TMEM87B: variants seen among roughly 807,000 people sequenced by gnomAD.
The protein encoded by TMEM87B is transmembrane protein 87B.
In TMEM87B, 83 loss-of-function variants were observed where a neutral mutation model predicts 80.3. That is an observed-to-expected ratio of 1.03 (90% confidence interval 0.87 to 1.24). TMEM87B has a LOEUF of 1.24. TMEM87B is among the 50% of genes most tolerant of loss of function. The pLI, the probability that TMEM87B is intolerant of heterozygous loss-of-function variation, is 0.00. For synonymous variants in TMEM87B, 219 were observed against 230.5 expected (o/e 0.95, Z 0.45); for missense variants, 625 against 674.4 (o/e 0.93, Z 0.81).
chr2:112,096,906 A>C (rs570319588), intron 11 of TMEM87B, 138 bp from the exon 12 acceptor site: 157 of 631,162 alleles, frequency 2.5e-4, no homozygotes, highest in African/African-American at 2.5e-3. Context: ...CCAAGATAAC[A>C]TTTTCTGTGT....
chr2:112,099,572 A>AT (rs1400645143), intron 14 of TMEM87B, among the ~76,000 whole-genome samples: 11 of 147,966 alleles, frequency 7.4e-5, no homozygotes, highest in African/African-American at 2.7e-4. Context: ...ACACACGCAT[A>AT]TACATACACA....
intron 11 of TMEM87B, chr2:112,095,280 A>G (rs1307490659): frequency 1.0e-6 from 1 of 959,736 alleles, no homozygotes; most frequent in East Asian, 1.3e-4. Flanking sequence ...TCTCTCCTTG[A>G]CTCTGGCTTG....
chr2:112,088,950 C>T (rs765951076), intron 9 of TMEM87B, among the ~76,000 whole-genome samples: 5 of 152,008 alleles, frequency 3.3e-5, no homozygotes, highest in African/African-American at 1.2e-4. Flanking sequence ...TGGTAGAGAC[C>T]GGGTTTCACC....
At chr2:112,095,337 A>C (rs2104492210) in intron 11 of TMEM87B, 1 of 983,708 alleles carries the variant, frequency 1.0e-6, no homozygotes, top group Middle Eastern at 5.2e-4. Context: ...CTCTCACTTC[A>C]GGATCAGAAG....
Position 112,081,333 on chromosome 2 carries a change from A to G in TMEM87B, c.655-2A>G, listed in dbSNP as rs1035446014. On this transcript the variant is annotated splice_acceptor_variant, in intron 7 of 18. Coordinates refer to ENST00000283206, the MANE Select transcript of TMEM87B (RefSeq NM_032824.3). LOFTEE classifies it high-confidence loss of function. ...TGACTAAAATTGCTTCTCTTCCTAC[A>G]GTTTTACATGGTGATGTGTATTGTT... 13 of 1,586,076 alleles carry G rather than the reference A, an allele frequency of 8.2e-6. No homozygotes were observed. The highest frequency in any genetic ancestry group is 1.7e-4 in the Middle Eastern group (1 of 5,918).
At chr2:112,081,620 C>T (rs1679001882) in intron 8 of TMEM87B, 102 bp downstream of exon 8, 3 of 1,050,912 alleles carry the variant, frequency 2.9e-6, no homozygotes, top group Non-Finnish European at 2.7e-6. Context: ...GGTTTGGAAA[C>T]AGATATATTA....
chr2:112,079,198 G>A (rs1678914039), intron 6 of TMEM87B, among the ~76,000 whole-genome samples: 1 of 151,976 alleles, frequency 6.6e-6, no homozygotes, highest in Admixed American at 6.6e-5. Context: ...CTGTGCAATA[G>A]AACTCAAAAA....
At chr2:112,101,992 GA>G (rs1317276272) in intron 15 of TMEM87B, among the ~76,000 whole-genome samples, 2 of 152,088 alleles carry the variant, frequency 1.3e-5, no homozygotes, top group Admixed American at 6.5e-5. Flanking sequence ...TGATCTATTA[GA>G]AATTTAAAAA....
intron 11 of TMEM87B, among the ~76,000 whole-genome samples, chr2:112,092,952 G>A (rs958462762): frequency 6.6e-6 from 1 of 152,208 alleles, no homozygotes; most frequent in African/African-American, 2.4e-5. Context: ...TTTCCTGTTA[G>A]ATAGGTTTCA....
intron 4 of TMEM87B, among the ~76,000 whole-genome samples, chr2:112,069,791 A>G (rs1310112672): frequency 6.6e-6 from 1 of 152,200 alleles, no homozygotes; most frequent in African/African-American, 2.4e-5. Flanking sequence ...TCCCACCAGC[A>G]GTGTATAAGC....
At chr2:112,089,324 A>T (rs996970400) in intron 9 of TMEM87B, among the ~76,000 whole-genome samples, 1 of 152,234 alleles carries the variant, frequency 6.6e-6, no homozygotes, top group African/African-American at 2.4e-5. Context: ...CTTCCATTCT[A>T]TAGAAACAGT....
chr2:112,105,218 C>T lies in TMEM87B; in HGVS notation c.1451-784C>T, dbSNP rs147260146. ...AGAAATGTTGGGGTTTTGAATGTCC[C>T]AGGAAAACATTTTTGGATTGAGGAA... On this transcript the variant is annotated intron_variant, in intron 15 of 18. Transcript: ENST00000283206. Among the ~76,000 whole-genome samples, 15 of 152,156 alleles carry T rather than the reference C, an allele frequency of 9.9e-5. No individual in the cohort carries two copies. In the East Asian group the frequency reaches 2.9e-3, roughly 29 times the overall value.
At chr2:112,082,464 G>T (rs1398654346) in intron 8 of TMEM87B, among the ~76,000 whole-genome samples, 1 of 152,110 alleles carries the variant, frequency 6.6e-6, no homozygotes, top group African/African-American at 2.4e-5. Context: ...AAACAAATTT[G>T]GCGTAACGTT....
At chr2:112,060,444 TAAAC>T (rs1260000361) in intron 2 of TMEM87B, among the ~76,000 whole-genome samples, 3 of 152,172 alleles carry the variant, frequency 2.0e-5, no homozygotes, top group African/African-American at 7.2e-5. Flanking sequence ...ACATATATAA[TAAAC>T]TAAGCAAATG....
At chr2:112,115,405 ACT>A (rs1351665300) in intron 18 of TMEM87B, among the ~76,000 whole-genome samples, 1 of 130,032 alleles carries the variant, frequency 7.7e-6, no homozygotes, top group African/African-American at 3.2e-5. Flanking sequence ...AAGATTCATA[ACT>A]CTACAGAAAG....
rs118051378 is a variant in TMEM87B, at chr2:112,084,595, A to G, written c.839-1410A>G. Among the ~76,000 whole-genome samples, 232 of 152,346 alleles carry G rather than the reference A, an allele frequency of 1.5e-3. 6 individuals are homozygous for G. In the East Asian group the frequency reaches 0.036, roughly 24 times the overall value. ...TTGCTCTGCCTGTAGTTCTAGATCT[A>G]TCTTCGAGGCATTTGACAAGGTCTC... On this transcript the variant is annotated intron_variant, in intron 8 of 18. Transcript: ENST00000283206.
At chr2:112,061,337 G>A (rs1421006112) in intron 2 of TMEM87B, among the ~76,000 whole-genome samples, 1 of 152,174 alleles carries the variant, frequency 6.6e-6, no homozygotes, top group African/African-American at 2.4e-5. Context: ...AGAGCAAACT[G>A]GCTTCTACAG....
At chr2:112,075,049 G>A in intron 5 of TMEM87B, 87 bp downstream of exon 5, 1 of 1,478,586 alleles carries the variant, frequency 6.8e-7, no homozygotes, top group South Asian at 1.3e-5. Context: ...TACTTAGAGA[G>A]TGATATAAAG....
intron 11 of TMEM87B, among the ~76,000 whole-genome samples, chr2:112,095,759 A>G (rs1679450309): frequency 1.3e-5 from 2 of 152,208 alleles, no homozygotes; most frequent in African/African-American, 4.8e-5. Flanking sequence ...TGACATATTT[A>G]AAATTTTTAA....
Sources: gnomAD v4.1 joint callset for allele counts (sites outside exome capture counted in the v4.1 genomes callset) on GRCh38, gnomAD v4.1.1 for gene constraint, MANE v1.5 for transcripts, NCBI Gene and HGNC (gene_info 2026-07-23, HGNC 2026-07-21) for gene names.